Variants in ANXA11 observed in about 807,000 individuals in gnomAD.
ANXA11 encodes 56 kDa autoantigen.
Under a neutral mutation model 64.7 loss-of-function variants are expected in ANXA11, and 57 were observed. The observed-to-expected ratio is 0.88, with a 90% confidence interval of 0.71 to 1.10. ANXA11 has a LOEUF of 1.10. ANXA11 is among the 50% of genes least tolerant of loss of function. ANXA11 has a pLI of 0.00. For synonymous variants in ANXA11, 260 were observed against 265.2 expected (o/e 0.98, Z 0.19); for missense variants, 675 against 670.7 (o/e 1.01, Z -0.07).
chr10:80,165,183 G>A (rs1845674672), intron 8 of ANXA11, among the ~76,000 whole-genome samples: 1 of 152,232 alleles, frequency 6.6e-6, no homozygotes, highest in Non-Finnish European at 1.5e-5. Flanking sequence ...ACATGTAGAT[G>A]TGTTTCAGCG....
rs767730423 is a variant in ANXA11, at chr10:80,163,574, G to A, written c.989C>T (p.Thr330Ile). The A allele has an allele frequency of 5.7e-6, 9 of 1,568,992 alleles. No homozygotes were observed. The highest frequency in any genetic ancestry group is 2.3e-5 in the East Asian group (1 of 42,664). ...GAGGAGCCGCTGGAAGTGCCCTGAT[G>A]TGTCGCTTCGAATGGCCTCTTCCAG... Reference protein sequence around the residue: ...KTLEEAIRSDTSGHFQRLLIS... With the variant: ...KTLEEAIRSDISGHFQRLLIS... Residue 330 changes from threonine (T) to isoleucine (I), a missense_variant, in exon 10 of 16, where the codon ACA becomes ATA. Transcript: ENST00000422982.
At chr10:80,196,106 C>T (rs574843757) in intron 1 of ANXA11, among the ~76,000 whole-genome samples, 5 of 152,198 alleles carry the variant, frequency 3.3e-5, no homozygotes, top group Non-Finnish European at 7.3e-5. Flanking sequence ...TCTCCTTTTT[C>T]TAACTCCTAG....
intron 12 of ANXA11, among the ~76,000 whole-genome samples, chr10:80,159,524 C>T (rs1452059068): frequency 2.0e-5 from 3 of 152,154 alleles, no homozygotes; most frequent in Non-Finnish European, 2.9e-5. Context: ...AAAACTGTAA[C>T]AAAATGAGTA....
In ANXA11 at chr10:80,169,236, C is replaced by A. The variant is rs1845876600; in HGVS notation, c.294G>T (p.Gln98His). ...GGFGQPPSAQ[Q>H]PVPPYGMYPP... ...GATACATCCCATAGGGAGGAACAGG[C>A]TGCTGGGCAGAGGGGGGCTGCCCAA... The change falls in exon 5 of 16, where the codon CAG (glutamine) becomes CAT (histidine). Residue 98 changes from glutamine to histidine, a missense_variant. Transcript: ENST00000422982. 6.2e-7 allele frequency: 1 copy of A among 1,611,968 alleles called. No homozygotes were observed. Among genetic ancestry groups the A allele is most frequent in the Admixed American group, 1.7e-5 (1 of 59,884 alleles).
intron 4 of ANXA11, 112 bp from the exon 5 acceptor site, chr10:80,169,470 A>G: frequency 7.9e-7 from 1 of 1,264,412 alleles, no homozygotes; most frequent in Non-Finnish European, 1.1e-6. Flanking sequence ...CGCTTGTGGA[A>G]TATGAAGTAC....
At position 80,170,065 on chromosome 10, in the gene ANXA11, C is replaced by T. The variant is rs74145413; in HGVS notation, c.172-707G>A. Among the ~76,000 whole-genome samples the T allele has an allele frequency of 5.4e-3, 816 of 152,280 alleles. 9 individuals are homozygous for T. Among genetic ancestry groups the T allele is most frequent in the African/African-American group, 0.017 (724 of 41,548 alleles). ...CATTATCCTTACATCACCCCACCCCCACTCCTGACCCCTTTACCCTGGTCA... is the reference window on the plus strand; with the variant it reads ...CATTATCCTTACATCACCCCACCCCTACTCCTGACCCCTTTACCCTGGTCA... On this transcript the variant is annotated intron_variant, in intron 4 of 15. Coordinates refer to ENST00000422982, the MANE Select transcript of ANXA11 (RefSeq NM_145868.2).
intron 2 of ANXA11, among the ~76,000 whole-genome samples, chr10:80,175,624 A>T (rs1235861566): frequency 6.6e-6 from 1 of 152,218 alleles, no homozygotes; most frequent in African/African-American, 2.4e-5. Flanking sequence ...TTAGGAAAAA[A>T]GTTTTATTAA....
intron 1 of ANXA11, among the ~76,000 whole-genome samples, chr10:80,188,001 T>G (rs2819947): frequency 2.0e-5 from 3 of 151,798 alleles, no homozygotes; most frequent in Admixed American, 1.3e-4. Flanking sequence ...CTCTAAACCC[T>G]TCCCTCATTT....
intron 1 of ANXA11, among the ~76,000 whole-genome samples, chr10:80,186,109 G>A (rs988001713): frequency 5.3e-5 from 8 of 152,138 alleles, no homozygotes; most frequent in Admixed American, 1.3e-4. Flanking sequence ...GACAGTTTAC[G>A]AGACCTTTCT....
At chr10:80,170,715 TG>T in intron 4 of ANXA11, 84 bp downstream of exon 4, 1 of 1,110,968 alleles carries the variant, frequency 9.0e-7, no homozygotes, top group Non-Finnish European at 1.2e-6. Context: ...TAGACAACTC[TG>T]GAGCCCCAGA....
chr10:80,174,983 A>C (rs973143786), intron 2 of ANXA11, among the ~76,000 whole-genome samples: 1 of 152,178 alleles, frequency 6.6e-6, no homozygotes, highest in Non-Finnish European at 1.5e-5. Flanking sequence ...AGGTGACCGT[A>C]GGCAAAGCCC....
chr10:80,204,891 G>C (rs1375422092), intron 1 of ANXA11: 2 of 152,260 alleles, frequency 1.3e-5, no homozygotes, highest in Non-Finnish European at 2.9e-5. Context: ...GAAAGTTCCT[G>C]AAGATAGCCT....
rs557102562 is a variant in ANXA11 at position 80,190,777 on chromosome 10, G to A, written c.-58+14566C>T. On this transcript the variant is annotated intron_variant, in intron 1 of 15. Coordinates refer to ENST00000422982, the MANE Select transcript of ANXA11 (RefSeq NM_145868.2). ...TGGGGTTACAGGCGTGAGCCACCAC[G>A]CCTGGCCAAAAAATTTTTAAAGAAA... 2.3e-3 allele frequency among the ~76,000 whole-genome samples: 318 copies of A among 138,856 alleles called. 2 individuals carry two copies. Among genetic ancestry groups the A allele is most frequent in the Non-Finnish European group, 3.6e-3 (230 of 63,598 alleles). 91.1% of individuals were successfully genotyped at this position (138,856 alleles called of 152,430 possible).
At chr10:80,202,573 T>A (rs1360653353) in intron 1 of ANXA11, among the ~76,000 whole-genome samples, 1 of 152,010 alleles carries the variant, frequency 6.6e-6, no homozygotes, top group Non-Finnish European at 1.5e-5. Flanking sequence ...TAGGTATCAC[T>A]CAAAATTCCT....
At chr10:80,165,449 G>A (rs1458508684) in intron 8 of ANXA11, among the ~76,000 whole-genome samples, 1 of 152,144 alleles carries the variant, frequency 6.6e-6, no homozygotes, top group African/African-American at 2.4e-5. Context: ...AGTCCAAGCC[G>A]GGCCCGTCAG....
intron 11 of ANXA11, 37 bp from the exon 12 acceptor site, chr10:80,162,065 A>C: frequency 6.4e-7 from 1 of 1,559,004 alleles, no homozygotes; most frequent in African/African-American, 1.3e-5. Flanking sequence ...GGCACAGGCC[A>C]CACCCAGACC....
chr10:80,178,103 T>G (rs190911230), intron 1 of ANXA11, among the ~76,000 whole-genome samples: 38 of 152,250 alleles, frequency 2.5e-4, no homozygotes, highest in African/African-American at 8.7e-4. Flanking sequence ...GGCTGCCATA[T>G]CTGGGCTCGG....
intron 1 of ANXA11, among the ~76,000 whole-genome samples, chr10:80,177,962 TCTC>T (rs201779042): frequency 0.017 from 2,596 of 152,250 alleles, 28 homozygotes; most frequent in Non-Finnish European, 0.028. Flanking sequence ...GCAGCATTCT[TCTC>T]CTCCTTTTCT....
chr10:80,202,284 C>T (rs1057079647), intron 1 of ANXA11, among the ~76,000 whole-genome samples: 1 of 151,974 alleles, frequency 6.6e-6, no homozygotes, highest in Non-Finnish European at 1.5e-5. Flanking sequence ...TTCTTAGTTG[C>T]CCCCACCCAT....
Sources: gnomAD v4.1 joint callset for allele counts (sites outside exome capture counted in the v4.1 genomes callset) on GRCh38, gnomAD v4.1.1 for gene constraint, MANE v1.5 for transcripts, NCBI Gene and HGNC (gene_info 2026-07-23, HGNC 2026-07-21) for gene names.